ZBTB7C: variants seen among roughly 807,000 people sequenced by gnomAD.
ZBTB7C encodes the protein zinc finger and BTB domain containing 7C, also known as zinc finger and BTB domain-containing protein 7C.
ZBTB7C carries 8 observed loss-of-function variants against 25.7 expected under a neutral mutation model. The observed-to-expected ratio is 0.31, with a 90% confidence interval of 0.18 to 0.56. The LOEUF (loss-of-function observed/expected upper bound fraction) is 0.56, where lower values mean the gene tolerates loss of function less well. ZBTB7C is among the 20% of genes least tolerant of loss of function. The pLI, the probability that ZBTB7C is intolerant of heterozygous loss-of-function variation, is 0.91. For missense variants in ZBTB7C, 824 were observed against 855.2 expected (o/e 0.96, Z 0.46); for synonymous variants, 394 against 369.0 (o/e 1.07, Z -0.78).
At chr18:48,173,184 A>C (rs1287920305) in intron 3 of ZBTB7C, among the ~76,000 whole-genome samples, 1 of 152,228 alleles carries the variant, frequency 6.6e-6, no homozygotes, top group Non-Finnish European at 1.5e-5. Context: ...TGTTAGACCC[A>C]AAACCTGATT....
chr18:48,290,471 G>A (rs193098057), intron 2 of ZBTB7C, among the ~76,000 whole-genome samples: 112 of 152,374 alleles, frequency 7.4e-4, no homozygotes, highest in African/African-American at 2.6e-3. Flanking sequence ...TGCAGTGCCA[G>A]GGGCAGGCGT....
intron 2 of ZBTB7C, among the ~76,000 whole-genome samples, chr18:48,187,269 A>G (rs1255635093): frequency 6.6e-6 from 1 of 152,250 alleles, no homozygotes; most frequent in Non-Finnish European, 1.5e-5. Context: ...CACGTTCATC[A>G]GCATTGTTCA....
At chr18:48,105,240 C>A (rs974487419) in intron 3 of ZBTB7C, among the ~76,000 whole-genome samples, 1 of 152,198 alleles carries the variant, frequency 6.6e-6, no homozygotes, top group Non-Finnish European at 1.5e-5. Context: ...CCACTGCAGA[C>A]CTTCAAATAG....
chr18:48,269,778 T>G (rs1299848261), intron 2 of ZBTB7C, among the ~76,000 whole-genome samples: 1 of 152,222 alleles, frequency 6.6e-6, no homozygotes, highest in Non-Finnish European at 1.5e-5. Context: ...AGAAGTCACT[T>G]TGATCGGCAA....
intron 1 of ZBTB7C, among the ~76,000 whole-genome samples, chr18:48,369,571 A>G (rs1311129464): frequency 2.0e-5 from 3 of 152,180 alleles, no homozygotes; most frequent in African/African-American, 7.2e-5. Context: ...TATGTCATGC[A>G]AACATTAAAA....
chr18:48,235,166 T>C (rs969944871), intron 2 of ZBTB7C, among the ~76,000 whole-genome samples: 1 of 152,226 alleles, frequency 6.6e-6, no homozygotes, highest in African/African-American at 2.4e-5. Context: ...TTATATTTAT[T>C]GTAATGACTA....
chr18:48,067,131 CTAGCTCTA>C (rs773797573), intron 3 of ZBTB7C, among the ~76,000 whole-genome samples: 8 of 147,328 alleles, frequency 5.4e-5, no homozygotes, highest in African/African-American at 7.4e-5. Flanking sequence ...AAAACAAAAC[CTAGCTCTA>C]TAGCTCTATA....
intron 3 of ZBTB7C, among the ~76,000 whole-genome samples, chr18:48,133,502 T>A (rs1370688403): frequency 1.3e-5 from 2 of 152,158 alleles, no homozygotes; most frequent in Non-Finnish European, 2.9e-5. Flanking sequence ...TTTCACTCCA[T>A]CATGATACCT....
At chr18:48,070,592 C>T (rs146604208) in intron 3 of ZBTB7C, among the ~76,000 whole-genome samples, 18 of 152,294 alleles carry the variant, frequency 1.2e-4, no homozygotes, top group African/African-American at 3.9e-4. Context: ...GAAGGGAAAT[C>T]CCCCATCTGA....
chr18:48,293,541 A>C (rs1267468035), intron 2 of ZBTB7C, among the ~76,000 whole-genome samples: 1 of 152,160 alleles, frequency 6.6e-6, no homozygotes, highest in African/African-American at 2.4e-5. Flanking sequence ...ACACAATTTA[A>C]ATCTGGGGGA....
At chr18:48,322,591 T>C (rs1262216768) in intron 2 of ZBTB7C, among the ~76,000 whole-genome samples, 1 of 152,134 alleles carries the variant, frequency 6.6e-6, no homozygotes, top group African/African-American at 2.4e-5. Context: ...TTCTATACTG[T>C]TGGTGGGAAT....
chr18:48,366,587 G>C lies in ZBTB7C; in HGVS notation c.-303-28189C>G, dbSNP rs139690358. Among the ~76,000 whole-genome samples the C allele has an allele frequency of 3.9e-3, 596 of 152,262 alleles. 8 individuals are homozygous for C. In the East Asian group the frequency reaches 0.045, roughly 11 times the overall value. ...GTAATTATTGTGCATTTACAAACAC[G>C]TACAAGTCCATAAGAAAGGCCAGCA... On this transcript the variant is annotated intron_variant, in intron 1 of 4. Coordinates refer to ENST00000590800, the MANE Select transcript of ZBTB7C (RefSeq NM_001318841.2).
At chr18:48,218,938 C>T (rs1439396572) in intron 2 of ZBTB7C, among the ~76,000 whole-genome samples, 1 of 152,084 alleles carries the variant, frequency 6.6e-6, no homozygotes, top group Admixed American at 6.5e-5. Context: ...GGCAGAGACC[C>T]CCCTGGAGGC....
At chr18:48,162,213 C>A in intron 3 of ZBTB7C, 1 of 374,124 alleles carries the variant, frequency 2.7e-6, no homozygotes, top group Non-Finnish European at 5.5e-6. Context: ...CCACCCCTGG[C>A]CCCAGCCTCC....
chr18:48,358,328 G>C (rs137948123), intron 1 of ZBTB7C, among the ~76,000 whole-genome samples: 1 of 151,756 alleles, frequency 6.6e-6, no homozygotes, highest in African/African-American at 2.4e-5. Flanking sequence ...CTCCAGCCTG[G>C]GTGACTGAAC....
intron 2 of ZBTB7C, among the ~76,000 whole-genome samples, chr18:48,326,119 G>A (rs1453264371): frequency 7.8e-6 from 1 of 128,672 alleles, no homozygotes; most frequent in Non-Finnish European, 1.6e-5. Flanking sequence ...TTTTTGAGAT[G>A]GAGTCTTGCT....
chr18:48,237,709 C>A (rs1163680760), intron 2 of ZBTB7C, among the ~76,000 whole-genome samples: 2 of 151,350 alleles, frequency 1.3e-5, no homozygotes, highest in African/African-American at 4.9e-5. Context: ...GGTAGGCATA[C>A]CCTATGATAG....
chr18:48,052,370 G>A (rs1346563386), intron 3 of ZBTB7C, among the ~76,000 whole-genome samples: 4 of 152,242 alleles, frequency 2.6e-5, no homozygotes, highest in Admixed American at 2.6e-4. Flanking sequence ...ACTGGGCTAA[G>A]TGGTACCATA....
chr18:48,262,099 T>G (rs563504484), intron 2 of ZBTB7C, among the ~76,000 whole-genome samples: 1 of 152,170 alleles, frequency 6.6e-6, no homozygotes, highest in Admixed American at 6.5e-5. Context: ...AGCATGAACA[T>G]GGAAAAGAAT....
Sources: gnomAD v4.1 joint callset for allele counts (sites outside exome capture counted in the v4.1 genomes callset) on GRCh38, gnomAD v4.1.1 for gene constraint, MANE v1.5 for transcripts, NCBI Gene and HGNC (gene_info 2026-07-23, HGNC 2026-07-21) for gene names.